Variants in GNG4 observed in about 807,000 individuals in gnomAD.
GNG4 encodes G protein subunit gamma 4.
A neutral mutation model predicts 5.8 loss-of-function variants in GNG4; 4 were observed. The ratio of observed to expected loss-of-function variants is 0.69; its 90% CI spans 0.34 to 1.57. The LOEUF (loss-of-function observed/expected upper bound fraction) is 1.57, where lower values mean the gene tolerates loss of function less well. Ranked by LOEUF, GNG4 falls within the 40% of genes most tolerant of loss-of-function variation. The pLI, the probability that GNG4 is intolerant of heterozygous loss-of-function variation, is 0.06. For missense variants in GNG4, 96 were observed against 95.1 expected (o/e 1.01, Z -0.04); for synonymous variants, 29 against 32.9 (o/e 0.88, Z 0.41).
At chr1:235,579,250 A>G (rs1051009626) in intron 3 of GNG4, among the ~76,000 whole-genome samples, 2 of 152,166 alleles carry the variant, frequency 1.3e-5, no homozygotes, top group Non-Finnish European at 2.9e-5. Context: ...TAAGTATGTG[A>G]GAGAATACAT....
Position 235,552,127 on chromosome 1 carries a change from G to C in GNG4, c.210C>G (p.Phe70Leu). 1 of 1,613,912 alleles carries C rather than the reference G, an allele frequency of 6.2e-7. No individual in the cohort carries two copies. Among genetic ancestry groups the C allele is most frequent in the East Asian group, 2.2e-5 (1 of 44,882 alleles). Reference protein sequence around the residue: ...ASENPFREKKFFCTIL With the variant: ...ASENPFREKKLFCTIL ...CACGGAGTTAGAGAATGGTACAAAA[G>C]AACTTCTTCTCGCGAAAGGGGTTTT... Residue 70 changes from phenylalanine to leucine, a missense_variant, in exon 4 of 4, where the codon TTC becomes TTG. By Grantham distance (22) the Phe-to-Leu change is conservative. Transcript: ENST00000391854.
intron 3 of GNG4, among the ~76,000 whole-genome samples, chr1:235,573,574 G>A (rs551190497): frequency 7.9e-5 from 12 of 152,060 alleles, no homozygotes; most frequent in Admixed American, 2.0e-4. Flanking sequence ...TCAGGAGATC[G>A]AGACCATCCT....
At chr1:235,593,272 T>A (rs1372471023) in intron 2 of GNG4, among the ~76,000 whole-genome samples, 2 of 152,192 alleles carry the variant, frequency 1.3e-5, no homozygotes, top group Non-Finnish European at 2.9e-5. Flanking sequence ...TCTGATGGGC[T>A]GCATCTTGCA....
At chr1:235,628,584 C>G (rs1214472956) in intron 1 of GNG4, among the ~76,000 whole-genome samples, 1 of 152,152 alleles carries the variant, frequency 6.6e-6, no homozygotes, top group Non-Finnish European at 1.5e-5. Context: ...CTACGGGTCA[C>G]CCAGTGGACA....
At chr1:235,597,129 C>CT in intron 1 of GNG4, among the ~76,000 whole-genome samples, 1 of 152,194 alleles carries the variant, frequency 6.6e-6, no homozygotes. Context: ...CCAGGACAGT[C>CT]TCTCCAGGAT....
chr1:235,581,232 T>G (rs1687626578), intron 3 of GNG4, among the ~76,000 whole-genome samples: 1 of 152,122 alleles, frequency 6.6e-6, no homozygotes, highest in African/African-American at 2.4e-5. Flanking sequence ...GTACTGTTGT[T>G]GTAATAGTGA....
At chr1:235,581,295 C>T (rs897021004) in intron 3 of GNG4, among the ~76,000 whole-genome samples, 1 of 151,914 alleles carries the variant, frequency 6.6e-6, no homozygotes, top group Non-Finnish European at 1.5e-5. Flanking sequence ...CTTGGGAGGC[C>T]GAGGCAGGCG....
At chr1:235,593,882 T>A (rs1479742980) in intron 2 of GNG4, among the ~76,000 whole-genome samples, 1 of 152,166 alleles carries the variant, frequency 6.6e-6, no homozygotes, top group Non-Finnish European at 1.5e-5. Flanking sequence ...GCAGAATTTG[T>A]TGCAAAGAGC....
intron 3 of GNG4, among the ~76,000 whole-genome samples, chr1:235,560,848 A>T (rs1427188488): frequency 6.6e-6 from 1 of 152,194 alleles, no homozygotes; most frequent in East Asian, 1.9e-4. Context: ...ACCTTTCCTC[A>T]ATATGGCCAG....
chr1:235,552,675 C>T (rs1686786479), intron 3 of GNG4, among the ~76,000 whole-genome samples: 1 of 152,192 alleles, frequency 6.6e-6, no homozygotes, highest in African/African-American at 2.4e-5. Context: ...CTCTTGTGAC[C>T]AACACAGAGA....
intron 3 of GNG4, among the ~76,000 whole-genome samples, chr1:235,575,992 G>T: frequency 6.6e-6 from 1 of 151,784 alleles, no homozygotes; most frequent in East Asian, 1.9e-4. Context: ...CTTACACTCT[G>T]CTCAGCTCAG....
chr1:235,609,219 T>C (rs1571911500), intron 1 of GNG4, among the ~76,000 whole-genome samples: 1 of 152,226 alleles, frequency 6.6e-6, no homozygotes, highest in African/African-American at 2.4e-5. Flanking sequence ...GGCTGAAGAG[T>C]ATTCCATGAT....
At chr1:235,607,154 C>T (rs182189846) in intron 1 of GNG4, among the ~76,000 whole-genome samples, 1,570 of 151,940 alleles carry the variant, frequency 0.01, 20 homozygotes, top group Non-Finnish European at 0.014. Context: ...ACTATGTTGG[C>T]CAGGCTGGTC....
At chr1:235,616,695 C>T (rs947005168) in intron 1 of GNG4, among the ~76,000 whole-genome samples, 4 of 151,820 alleles carry the variant, frequency 2.6e-5, no homozygotes, top group East Asian at 3.9e-4. Flanking sequence ...TGATTACCCT[C>T]GCCTCTTTCC....
intron 1 of GNG4, among the ~76,000 whole-genome samples, chr1:235,637,429 G>C (rs973412757): frequency 1.3e-5 from 2 of 152,060 alleles, no homozygotes; most frequent in Admixed American, 6.5e-5. Context: ...AAGGTGGGGG[G>C]ATCACTTGAG....
At chr1:235,604,460 G>T (rs1017414718) in intron 1 of GNG4, among the ~76,000 whole-genome samples, 3 of 152,198 alleles carry the variant, frequency 2.0e-5, no homozygotes, top group African/African-American at 7.2e-5. Flanking sequence ...CAAAATCAAG[G>T]TGTTGGCAGG....
At chr1:235,615,347 A>G (rs1688566592) in intron 1 of GNG4, 2 of 152,816 alleles carry the variant, frequency 1.3e-5, no homozygotes, top group African/African-American at 2.4e-5. Flanking sequence ...ATAAGGCAAG[A>G]AAAAGGATTC....
chr1:235,574,618 C>G (rs565327932), intron 3 of GNG4, among the ~76,000 whole-genome samples: 1 of 152,130 alleles, frequency 6.6e-6, no homozygotes, highest in Admixed American at 6.6e-5. Flanking sequence ...AGAGTATATA[C>G]GAGAAATATC....
rs423026 is a variant in GNG4, at chr1:235,552,256, C to A, written c.100-19G>T. 35 of 1,612,324 alleles carry A rather than the reference C, an allele frequency of 2.2e-5. No individual in the cohort carries two copies. Among genetic ancestry groups the A allele is most frequent in the Non-Finnish European group, 3.0e-5 (35 of 1,179,066 alleles). ...GGGAGACCTGTGAGGGCACAGAGCACAGGTGCTCAGTTAAAGGCCCCTTTG... is the reference window on the plus strand; with the variant it reads ...GGGAGACCTGTGAGGGCACAGAGCAAAGGTGCTCAGTTAAAGGCCCCTTTG... On this transcript the variant is annotated intron_variant, in intron 3 of 3. Coordinates refer to ENST00000391854, the MANE Select transcript of GNG4 (RefSeq NM_001098722.2).
Sources: gnomAD v4.1 joint callset for allele counts (sites outside exome capture counted in the v4.1 genomes callset) on GRCh38, gnomAD v4.1.1 for gene constraint, MANE v1.5 for transcripts, NCBI Gene and HGNC (gene_info 2026-07-23, HGNC 2026-07-21) for gene names.